IFT80: variants seen among roughly 807,000 people sequenced by gnomAD.
The protein encoded by IFT80 is intraflagellar transport protein 80 homolog.
A neutral mutation model predicts 107.9 loss-of-function variants in IFT80; 79 were observed. The ratio of observed to expected loss-of-function variants is 0.73; its 90% CI spans 0.61 to 0.88. The LOEUF (loss-of-function observed/expected upper bound fraction) is 0.88, where lower values mean the gene tolerates loss of function less well. IFT80 is among the 40% of genes least tolerant of loss of function. The probability of loss-of-function intolerance (pLI) is 0.00; values close to 1 mark genes in which losing one functional copy is unlikely to be tolerated. For missense variants in IFT80, 797 were observed against 914.2 expected (o/e 0.87, Z 1.65); for synonymous variants, 299 against 300.9 (o/e 0.99, Z 0.07).
chr3:160,386,554 C>T (rs1010948263), intron 1 of IFT80, among the ~76,000 whole-genome samples: 11 of 152,118 alleles, frequency 7.2e-5, no homozygotes, highest in Admixed American at 4.6e-4. Flanking sequence ...GTTTTTGGTC[C>T]AGTGTGGGTC....
intron 12 of IFT80, among the ~76,000 whole-genome samples, chr3:160,294,367 C>T (rs1026673219): frequency 3.3e-5 from 5 of 152,082 alleles, no homozygotes; most frequent in Non-Finnish European, 7.4e-5. Context: ...AGTACAGGGG[C>T]GTGCCACTAT....
At chr3:160,315,053 A>AAGGGAGGG (rs3043631) in intron 9 of IFT80, among the ~76,000 whole-genome samples, 3,198 of 45,074 alleles carry the variant, frequency 0.071, 195 homozygotes, top group Middle Eastern at 0.093. Context: ...AAAAAGAAGG[A>AAGGGAGGG]AGGGAGGGAG....
At chr3:160,344,983 C>A (rs977781319) in intron 8 of IFT80, among the ~76,000 whole-genome samples, 1 of 152,102 alleles carries the variant, frequency 6.6e-6, no homozygotes, top group Admixed American at 6.6e-5. Context: ...CACTCATATA[C>A]CGCTGGTGAG....
chr3:160,366,440 TGAAATACATAA>T lies in IFT80; in HGVS notation c.440-299_440-289del, dbSNP rs1461004729. On this transcript the variant is annotated intron_variant, in intron 5 of 19. Transcript: ENST00000326448. Reference sequence around the variant, plus strand: ...TTTAGAAATTCCATATAGGTGCTATTGAAATACATAAGATAAAATAAATATACTTCATTTTT... The same window carrying T: ...TTTAGAAATTCCATATAGGTGCTATTGATAAAATAAATATACTTCATTTTT... Among the ~76,000 whole-genome samples the T allele has an allele frequency of 7.2e-5, 11 of 152,164 alleles. No individual in the cohort carries two copies. The South Asian group carries it at 1.2e-3, about 17-fold the overall frequency.
At chr3:160,339,744 A>G (rs1169865797) in intron 8 of IFT80, among the ~76,000 whole-genome samples, 1 of 152,248 alleles carries the variant, frequency 6.6e-6, no homozygotes, top group Non-Finnish European at 1.5e-5. Flanking sequence ...AGGACACAAA[A>G]GTGTTCTGTA....
intron 8 of IFT80, among the ~76,000 whole-genome samples, chr3:160,339,975 G>A (rs573403816): frequency 7.9e-5 from 12 of 152,206 alleles, no homozygotes; most frequent in African/African-American, 2.2e-4. Flanking sequence ...CCCAAATATC[G>A]AGTACCTTGA....
At chr3:160,310,543 T>A (rs1321883847) in intron 9 of IFT80, among the ~76,000 whole-genome samples, 1 of 152,130 alleles carries the variant, frequency 6.6e-6, no homozygotes, top group African/African-American at 2.4e-5. Context: ...CTAATAAATG[T>A]GGAAGGAATC....
chr3:160,274,594 G>A (rs372694250), intron 18 of IFT80: 3 of 152,190 alleles, frequency 2.0e-5, no homozygotes, highest in Non-Finnish European at 4.4e-5. Context: ...GAGGAAAGAC[G>A]ATTTAATATC....
In IFT80 at chr3:160,268,830, C is replaced by A. The variant is rs910380641; in HGVS notation, c.2100-294G>T. The A allele has an allele frequency of 1.5e-5, 5 of 337,534 alleles. No individual in the cohort carries two copies. The Admixed American group carries it at 2.3e-4, about 15-fold the overall frequency. The allele number at this position is 337,534 out of a possible 1,614,324, so 20.9% of individuals were successfully genotyped here. A position where few individuals can be genotyped will look rare whatever the true frequency, so the allele number is the denominator to read the frequency against. On this transcript the variant is annotated intron_variant, in intron 18 of 19. Coordinates refer to ENST00000326448, the MANE Select transcript of IFT80 (RefSeq NM_020800.3). ...TATTATTACAGCACTCCTTATAGTA[C>A]AATTGTTATGAGTCTTTTTTCTCCA...
chr3:160,276,063 T>C (rs559093406), intron 18 of IFT80, among the ~76,000 whole-genome samples: 2 of 152,180 alleles, frequency 1.3e-5, no homozygotes, highest in South Asian at 2.1e-4. Flanking sequence ...AGAGACAGTG[T>C]TTCACCATAT....
intron 9 of IFT80, among the ~76,000 whole-genome samples, chr3:160,316,591 C>G (rs994686956): frequency 8.5e-5 from 13 of 152,122 alleles, no homozygotes; most frequent in African/African-American, 3.1e-4. Flanking sequence ...CATTTTTTGT[C>G]TGCCCAGAAT....
intron 15 of IFT80, among the ~76,000 whole-genome samples, chr3:160,280,388 C>T (rs560568663): frequency 1.3e-5 from 2 of 152,180 alleles, no homozygotes; most frequent in East Asian, 3.9e-4. Flanking sequence ...ACTAAAATCA[C>T]TTGATCACAC....
chr3:160,275,119 T>C (rs6764829), intron 18 of IFT80, among the ~76,000 whole-genome samples: 6,252 of 152,310 alleles, frequency 0.041, 239 homozygotes, highest in Middle Eastern at 0.1. Context: ...TGAGATAACC[T>C]AACGACATGA....
intron 10 of IFT80, among the ~76,000 whole-genome samples, chr3:160,307,395 T>C (rs957960629): frequency 2.6e-5 from 4 of 152,222 alleles, no homozygotes; most frequent in African/African-American, 9.7e-5. Flanking sequence ...GCAATCCTCC[T>C]GCTTTGGTCT....
At chr3:160,318,479 A>G (rs1176026241) in intron 9 of IFT80, among the ~76,000 whole-genome samples, 1 of 152,054 alleles carries the variant, frequency 6.6e-6, no homozygotes, top group East Asian at 1.9e-4. Flanking sequence ...TTGCATTGGC[A>G]CATGGTACTT....
At chr3:160,301,114 G>C (rs759224936) in intron 11 of IFT80, 68 bp from the exon 12 acceptor site, 1 of 1,365,942 alleles carries the variant, frequency 7.3e-7, no homozygotes, top group Non-Finnish European at 1.0e-6. Flanking sequence ...TCATATTACA[G>C]AATAGTTTAT....
At chr3:160,301,160 T>A (rs2108267533) in intron 11 of IFT80, 114 bp from the exon 12 acceptor site, 5 of 1,021,386 alleles carry the variant, frequency 4.9e-6, no homozygotes, top group Non-Finnish European at 6.9e-6. Flanking sequence ...ACAATTAATG[T>A]AAATGTGTAG....
chr3:160,270,081 A>T (rs527715181), intron 18 of IFT80, among the ~76,000 whole-genome samples: 3 of 152,244 alleles, frequency 2.0e-5, no homozygotes, highest in Admixed American at 2.0e-4. Flanking sequence ...GCTCACTGCA[A>T]CCTCTGCTGC....
chr3:160,265,610 T>A (rs1356766521), intron 19 of IFT80, among the ~76,000 whole-genome samples: 1 of 152,176 alleles, frequency 6.6e-6, no homozygotes, highest in East Asian at 1.9e-4. Flanking sequence ...AATATCAGGG[T>A]TGTTGGAAAA....
Sources: gnomAD v4.1 joint callset for allele counts (sites outside exome capture counted in the v4.1 genomes callset) on GRCh38, gnomAD v4.1.1 for gene constraint, MANE v1.5 for transcripts, NCBI Gene and HGNC (gene_info 2026-07-23, HGNC 2026-07-21) for gene names.